Variants in RAPGEF4 observed in about 807,000 individuals in gnomAD.
The protein encoded by RAPGEF4 is RAP guanine-nucleotide-exchange factor (GEF) 4.
A neutral mutation model predicts 147.9 loss-of-function variants in RAPGEF4; 66 were observed. The ratio of observed to expected loss-of-function variants is 0.45; its 90% CI spans 0.37 to 0.55. The LOEUF (loss-of-function observed/expected upper bound fraction) is 0.55. Ranked by LOEUF, RAPGEF4 falls within the 20% of genes least tolerant of loss-of-function variation. The probability of loss-of-function intolerance (pLI) is 0.00; values close to 1 mark genes in which losing one functional copy is unlikely to be tolerated. For synonymous variants in RAPGEF4, 419 were observed against 442.7 expected (o/e 0.95, Z 0.67); for missense variants, 1,071 against 1,257.3 (o/e 0.85, Z 2.24).
At chr2:172,944,233 A>T (rs1294241000) in intron 6 of RAPGEF4, among the ~76,000 whole-genome samples, 1 of 152,194 alleles carries the variant, frequency 6.6e-6, no homozygotes, top group Non-Finnish European at 1.5e-5. Context: ...AGAAAAAAAG[A>T]AGGAAACTGA....
At chr2:172,877,135 T>C (rs999446677) in intron 4 of RAPGEF4, among the ~76,000 whole-genome samples, 1 of 152,034 alleles carries the variant, frequency 6.6e-6, no homozygotes, top group African/African-American at 2.4e-5. Context: ...CAGTGATAGA[T>C]TGGATAAAGA....
chr2:173,013,590 C>A (rs1227241194), intron 17 of RAPGEF4, among the ~76,000 whole-genome samples: 1 of 152,106 alleles, frequency 6.6e-6, no homozygotes. Flanking sequence ...TTCTTGATTA[C>A]CTGTGATGTT....
chr2:172,909,417 A>G (rs1297927322), intron 4 of RAPGEF4, among the ~76,000 whole-genome samples: 1 of 152,220 alleles, frequency 6.6e-6, no homozygotes, highest in Non-Finnish European at 1.5e-5. Context: ...CCAAAGACAT[A>G]GCTCTTTCCC....
At position 172,964,401 on chromosome 2, in the gene RAPGEF4, A is replaced by ATTTTTTTTTTTT. The variant is rs11374637; in HGVS notation, c.699-1149_699-1138dup. ...TTAGAGGCCATCATTTGCTCCTCCT[A>ATTTTTTTTTTTT]TTTTTTTTTTTTTTTTTTTTTTTAC... On this transcript the variant is annotated intron_variant, in intron 8 of 30. Coordinates refer to ENST00000397081, the MANE Select transcript of RAPGEF4 (RefSeq NM_007023.4). Among the ~76,000 whole-genome samples, 8 of 115,158 alleles carry ATTTTTTTTTTTT rather than the reference A, an allele frequency of 6.9e-5. 2 individuals carry two copies. The highest frequency in any genetic ancestry group is 5.2e-4 in the East Asian group (2 of 3,864). 75.5% of individuals were successfully genotyped at this position (115,158 alleles called of 152,430 possible). A position where few individuals can be genotyped will look rare whatever the true frequency, so the allele number is the denominator to read the frequency against.
rs1010248473 is a variant in RAPGEF4, at chr2:173,030,029, C to T, written c.2559-135C>T. 3.5e-5 allele frequency: 21 copies of T among 600,094 alleles called. No homozygotes were observed. The African/African-American group carries it at 3.7e-4, about 11-fold the overall frequency. 37.2% of individuals were successfully genotyped at this position (600,094 alleles called of 1,614,324 possible). A position where few individuals can be genotyped will look rare whatever the true frequency, so the allele number is the denominator to read the frequency against. On this transcript the variant is annotated intron_variant, in intron 25 of 30. Coordinates refer to ENST00000397081, the MANE Select transcript of RAPGEF4 (RefSeq NM_007023.4). ...TCACCCAAGTGGAACTTTTACAGTACATTAAATCTATCATTGCCTGTTCTC... is the reference window on the plus strand; with the variant it reads ...TCACCCAAGTGGAACTTTTACAGTATATTAAATCTATCATTGCCTGTTCTC...
At chr2:172,901,965 T>C (rs1699102943) in intron 4 of RAPGEF4, among the ~76,000 whole-genome samples, 1 of 151,944 alleles carries the variant, frequency 6.6e-6, no homozygotes, top group Non-Finnish European at 1.5e-5. Flanking sequence ...GACATGTTGC[T>C]GAGGGAGAGA....
chr2:172,833,029 C>T (rs1383490485), intron 4 of RAPGEF4, among the ~76,000 whole-genome samples: 4 of 152,150 alleles, frequency 2.6e-5, no homozygotes, highest in East Asian at 1.9e-4. Flanking sequence ...CATGGCGAAA[C>T]GCTGTCTTTA....
At chr2:172,817,785 C>T (rs1377828220) in intron 4 of RAPGEF4, among the ~76,000 whole-genome samples, 1 of 151,500 alleles carries the variant, frequency 6.6e-6, no homozygotes, top group Non-Finnish European at 1.5e-5. Context: ...GATACTTGCA[C>T]ATGCATGTTT....
At chr2:173,035,053 TTTA>T (rs532386527) in intron 27 of RAPGEF4, among the ~76,000 whole-genome samples, 1 of 151,830 alleles carries the variant, frequency 6.6e-6, no homozygotes, top group Non-Finnish European at 1.5e-5. Flanking sequence ...AGTATAACTT[TTTA>T]TTATTATTAT....
At chr2:172,870,030 G>T (rs375129572) in intron 4 of RAPGEF4, among the ~76,000 whole-genome samples, 1 of 152,082 alleles carries the variant, frequency 6.6e-6, no homozygotes, top group East Asian at 1.9e-4. Flanking sequence ...CTGGTAACCT[G>T]GGTGTGCTGC....
At chr2:172,969,952 A>G (rs1363447957) in intron 10 of RAPGEF4, among the ~76,000 whole-genome samples, 1 of 152,202 alleles carries the variant, frequency 6.6e-6, no homozygotes, top group African/African-American at 2.4e-5. Context: ...GTTAAAGTAC[A>G]GGTTTTACAA....
At chr2:172,925,777 A>AAAAGAGAG (rs1486298673) in intron 6 of RAPGEF4, among the ~76,000 whole-genome samples, 9 of 133,894 alleles carry the variant, frequency 6.7e-5, no homozygotes, top group Non-Finnish European at 1.1e-4. Context: ...GAAAGAAAGA[A>AAAAGAGAG]AGAGAGAGAG....
chr2:172,898,529 C>T (rs1256674997), intron 4 of RAPGEF4, among the ~76,000 whole-genome samples: 1 of 152,154 alleles, frequency 6.6e-6, no homozygotes, highest in Non-Finnish European at 1.5e-5. Flanking sequence ...ATTGCAAATC[C>T]CTGACACCCA....
intron 3 of RAPGEF4, among the ~76,000 whole-genome samples, chr2:172,801,153 G>C (rs556814692): frequency 6.6e-6 from 1 of 152,296 alleles, no homozygotes; most frequent in African/African-American, 2.4e-5. Context: ...GGGCCACACA[G>C]GTGTACATGG....
At chr2:172,864,383 A>C (rs1022156998) in intron 4 of RAPGEF4, among the ~76,000 whole-genome samples, 5 of 152,208 alleles carry the variant, frequency 3.3e-5, no homozygotes, top group Non-Finnish European at 5.9e-5. Flanking sequence ...ATTGGGCTTC[A>C]TGGCTCCCTG....
intron 25 of RAPGEF4, 29 bp downstream of exon 25, chr2:173,027,288 A>G: frequency 2.0e-6 from 3 of 1,522,828 alleles, no homozygotes; most frequent in Non-Finnish European, 1.8e-6. Context: ...GAAAGAGAAA[A>G]AAAAATGTTG....
intron 4 of RAPGEF4, among the ~76,000 whole-genome samples, chr2:172,835,466 T>C (rs1316641829): frequency 2.0e-5 from 3 of 152,232 alleles, no homozygotes; most frequent in Admixed American, 6.5e-5. Flanking sequence ...ATGGGCATGG[T>C]ATCAAAATGA....
intron 4 of RAPGEF4, among the ~76,000 whole-genome samples, chr2:172,888,310 G>C (rs1350997382): frequency 1.3e-5 from 2 of 152,230 alleles, no homozygotes; most frequent in African/African-American, 4.8e-5. Context: ...CAGGAGCCTT[G>C]ACCAAGAAGA....
At chr2:172,998,917 A>C (rs930918077) in intron 16 of RAPGEF4, among the ~76,000 whole-genome samples, 1 of 152,220 alleles carries the variant, frequency 6.6e-6, no homozygotes, top group Admixed American at 6.5e-5. Context: ...GAGCTATAAG[A>C]TCTTTACCAC....
Sources: gnomAD v4.1 joint callset for allele counts (sites outside exome capture counted in the v4.1 genomes callset) on GRCh38, gnomAD v4.1.1 for gene constraint, MANE v1.5 for transcripts, NCBI Gene and HGNC (gene_info 2026-07-23, HGNC 2026-07-21) for gene names.